Variants in ITSN1 observed in about 807,000 individuals in gnomAD.
The protein encoded by ITSN1 is intersectin 1, also known as intersectin-1.
A neutral mutation model predicts 239.8 loss-of-function variants in ITSN1; 58 were observed. The ratio of observed to expected loss-of-function variants is 0.24; its 90% confidence interval spans 0.20 to 0.30. The LOEUF (loss-of-function observed/expected upper bound fraction) is 0.30. Ranked by LOEUF, ITSN1 falls within the 10% of genes least tolerant of loss-of-function variation. The probability of loss-of-function intolerance (pLI) is 1.00; values close to 1 mark genes in which losing one functional copy is unlikely to be tolerated. For missense variants in ITSN1, 1,558 were observed against 2,103.3 expected (o/e 0.74, Z 5.07); for synonymous variants, 780 against 770.8 (o/e 1.01, Z -0.20).
intron 1 of ITSN1, among the ~76,000 whole-genome samples, chr21:33,689,632 C>T (rs527516616): frequency 2.6e-5 from 4 of 152,204 alleles, no homozygotes; most frequent in South Asian, 2.1e-4. Context: ...GCTATGATCG[C>T]ACCACTGTAC....
intron 1 of ITSN1, among the ~76,000 whole-genome samples, chr21:33,709,737 A>G (rs1378268333): frequency 6.6e-6 from 1 of 152,186 alleles, no homozygotes; most frequent in Non-Finnish European, 1.5e-5. Context: ...CAGTTTTGTT[A>G]AATTCACTTA....
At chr21:33,702,369 G>A (rs984485786) in intron 1 of ITSN1, among the ~76,000 whole-genome samples, 9 of 151,976 alleles carry the variant, frequency 5.9e-5, no homozygotes, top group Non-Finnish European at 8.8e-5. Flanking sequence ...TGCCCACCTC[G>A]GACTCCCAAA....
intron 31 of ITSN1, among the ~76,000 whole-genome samples, chr21:33,860,021 C>T (rs544422543): frequency 3.9e-5 from 6 of 152,242 alleles, no homozygotes; most frequent in East Asian, 3.9e-4. Context: ...TCTACATAGA[C>T]GATAGCTGGG....
intron 5 of ITSN1, among the ~76,000 whole-genome samples, chr21:33,749,075 A>G (rs113660079): frequency 0.042 from 6,342 of 150,998 alleles, 284 homozygotes; most frequent in Non-Finnish European, 0.05. Flanking sequence ...TGTAGCCTCA[A>G]CCTCTTCGGC....
At chr21:33,695,554 C>T (rs1454869943) in intron 1 of ITSN1, among the ~76,000 whole-genome samples, 1 of 152,202 alleles carries the variant, frequency 6.6e-6, no homozygotes, top group Non-Finnish European at 1.5e-5. Flanking sequence ...GAAACTAAAA[C>T]ACAGTGAAAT....
At chr21:33,693,071 TAGGCATG>T (rs2091623628) in intron 1 of ITSN1, among the ~76,000 whole-genome samples, 1 of 152,034 alleles carries the variant, frequency 6.6e-6, no homozygotes, top group Non-Finnish European at 1.5e-5. Context: ...GCTGGGATTA[TAGGCATG>T]AGCCACCGCG....
intron 1 of ITSN1, among the ~76,000 whole-genome samples, chr21:33,656,322 T>C (rs1056648082): frequency 1.3e-5 from 2 of 152,360 alleles, no homozygotes; most frequent in Admixed American, 1.3e-4. Context: ...AGATGGCCTT[T>C]ACTCAGTGTA....
chr21:33,800,974 G>A (rs566451104), intron 19 of ITSN1, among the ~76,000 whole-genome samples: 83 of 143,216 alleles, frequency 5.8e-4, no homozygotes, highest in Non-Finnish European at 1.1e-3. Context: ...CAAGCAAAGC[G>A]ATTCTCCCAC....
chr21:33,696,845 T>C (rs1340520694), intron 1 of ITSN1, among the ~76,000 whole-genome samples: 2 of 152,186 alleles, frequency 1.3e-5, no homozygotes. Flanking sequence ...TTCGTGCCGA[T>C]GAGCTGATAA....
At chr21:33,805,946 G>A (rs1370468350) in intron 20 of ITSN1, among the ~76,000 whole-genome samples, 2 of 144,630 alleles carry the variant, frequency 1.4e-5, no homozygotes, top group East Asian at 2.2e-4. Context: ...GCTCACGCCT[G>A]TAATCCCAGC....
chr21:33,823,786 T>A (rs2073823242), intron 25 of ITSN1, 133 bp downstream of exon 25: 1 of 806,766 alleles, frequency 1.2e-6, no homozygotes, highest in African/African-American at 1.7e-5. Flanking sequence ...CAGTGTGACC[T>A]GTCATTGTTT....
In ITSN1 at chr21:33,885,087, G is replaced by C; in HGVS notation, c.4723G>C (p.Glu1575Gln). Residue 1575 changes from glutamate (E) to glutamine (Q), a missense_variant, in exon 37 of 40, where the codon GAG becomes CAG. Coordinates refer to ENST00000381318, the MANE Select transcript of ITSN1 (RefSeq NM_003024.3). Reference sequence around the variant, plus strand: ...CAAAGCTGCTTCTGAACTCTACATAGAGACTGAGAAAAAGAAGCGCGAGAA... The same window carrying C: ...CAAAGCTGCTTCTGAACTCTACATACAGACTGAGAAAAAGAAGCGCGAGAA... ...KIKAASELYI[E>Q]TEKKKREKAY... 6.2e-7 allele frequency: 1 copy of C among 1,614,174 alleles called. No homozygotes were observed. The highest frequency in any genetic ancestry group is 8.5e-7 in the Non-Finnish European group (1 of 1,180,016).
rs1376815338 is a variant in ITSN1, at chr21:33,756,304, AAAAG to A, written c.724+912_724+915del. Among the ~76,000 whole-genome samples, 91 of 151,564 alleles carry A rather than the reference AAAAG, an allele frequency of 6.0e-4. 1 individual carries two copies. In the East Asian group the frequency reaches 0.015, roughly 25 times the overall value. ...CTCCGTCTCAAAAAAAAAAAAAAAA[AAAAG>A]AAAGTTATAAAGAAAAGCATAACTT... On this transcript the variant is annotated intron_variant, in intron 8 of 39. Transcript: ENST00000381318.
chr21:33,809,916 C>T (rs775775433), intron 20 of ITSN1, among the ~76,000 whole-genome samples: 57 of 152,276 alleles, frequency 3.7e-4, no homozygotes, highest in Non-Finnish European at 7.2e-4. Context: ...GCCTCAGCCT[C>T]CCGAGTAGCT....
chr21:33,750,099 A>G, intron 5 of ITSN1, 44 bp from the exon 6 acceptor site: 1 of 1,571,570 alleles, frequency 6.4e-7, no homozygotes, highest in Non-Finnish European at 8.7e-7. Context: ...CAGTGTTGAA[A>G]TGTGATTGGA....
At position 33,875,380 on chromosome 21, in the gene ITSN1, C is replaced by T. The variant is rs1482258268; in HGVS notation, c.4200C>T (p.His1400=). The T allele has an allele frequency of 1.4e-5, 22 of 1,550,354 alleles. No individual in the cohort carries two copies. The highest frequency in any genetic ancestry group is 1.9e-5 in the Non-Finnish European group (22 of 1,150,512). Residue 1400 remains histidine (H), a synonymous_variant, in exon 34 of 40, where the codon CAC becomes CAT. Transcript: ENST00000381318. ...KNILENTPEN[H]PDHSHLKHAL... ...TCCTGGAAAACACCCCTGAAAACCA[C>T]CCGGACCACAGCCACTTGAAGCACG...
chr21:33,689,783 C>T (rs922538134), intron 1 of ITSN1, among the ~76,000 whole-genome samples: 1 of 151,976 alleles, frequency 6.6e-6, no homozygotes, highest in Non-Finnish European at 1.5e-5. Context: ...ACCTGGCCAA[C>T]ATAGTGAAAC....
Position 33,774,809 on chromosome 21 carries a change from CAAA to C in ITSN1, c.1387_1389del (p.Lys463del). 6.2e-7 allele frequency: 1 copy of C among 1,613,730 alleles called. No homozygotes were observed. Among genetic ancestry groups the C allele is most frequent in the Non-Finnish European group, 8.5e-7 (1 of 1,179,826 alleles). On this transcript the variant is annotated inframe_deletion, in exon 13 of 40. Coordinates refer to ENST00000381318, the MANE Select transcript of ITSN1 (RefSeq NM_003024.3). ...GGCAAGAACTACTAAATCAAAGAAACAAAGAACAAGAGGACATAGTTGTACTGA... is the reference window on the plus strand; with the variant it reads ...GGCAAGAACTACTAAATCAAAGAAACGAACAAGAGGACATAGTTGTACTGA...
chr21:33,717,999 T>G (rs2065263875), intron 1 of ITSN1, among the ~76,000 whole-genome samples: 1 of 152,190 alleles, frequency 6.6e-6, no homozygotes, highest in South Asian at 2.1e-4. Flanking sequence ...GGACAGATGT[T>G]AGTGTAATAT....
Sources: gnomAD v4.1 joint callset for allele counts (sites outside exome capture counted in the v4.1 genomes callset) on GRCh38, gnomAD v4.1.1 for gene constraint, MANE v1.5 for transcripts, NCBI Gene and HGNC (gene_info 2026-07-23, HGNC 2026-07-21) for gene names.